The following ERCC6L2 variants were observed in gnomAD, a reference collection of about 807,000 sequenced individuals.
The protein encoded by ERCC6L2 is DNA excision repair protein ERCC-6-like 2.
ERCC6L2 carries 77 observed loss-of-function variants against 132.0 expected under a neutral mutation model. The observed-to-expected ratio is 0.58, with a 90% CI of 0.49 to 0.71. The LOEUF is 0.71. ERCC6L2 is among the 30% of genes least tolerant of loss of function. The pLI is 0.00. For missense variants in ERCC6L2, 1,542 were observed against 1,837.6 expected (o/e 0.84, Z 2.94); for synonymous variants, 583 against 632.4 (o/e 0.92, Z 1.17).
intron 3 of ERCC6L2, among the ~76,000 whole-genome samples, chr9:95,901,241 A>C (rs1828761137): frequency 6.6e-6 from 1 of 151,996 alleles, no homozygotes; most frequent in South Asian, 2.1e-4. Flanking sequence ...TTCAGTGTCA[A>C]CCCGATTTTT....
intron 4 of ERCC6L2, among the ~76,000 whole-genome samples, chr9:95,908,419 G>A (rs1011043789): frequency 2.6e-5 from 4 of 152,310 alleles, no homozygotes; most frequent in Non-Finnish European, 4.4e-5. Context: ...GCCAAGGGGA[G>A]AGGCTTCAGG....
chr9:95,914,394 A>T (rs1241566097), intron 4 of ERCC6L2, among the ~76,000 whole-genome samples: 1 of 151,810 alleles, frequency 6.6e-6, no homozygotes, highest in East Asian at 1.9e-4. Flanking sequence ...TTGCTGTGTC[A>T]CCAGGCTAGA....
At chr9:95,979,935 A>G (rs1405866926) in intron 17 of ERCC6L2, among the ~76,000 whole-genome samples, 1 of 152,096 alleles carries the variant, frequency 6.6e-6, no homozygotes, top group Non-Finnish European at 1.5e-5. Flanking sequence ...TTCTCCATAC[A>G]AACAAATTTT....
At chr9:95,910,138 C>T (rs997745813) in intron 4 of ERCC6L2, among the ~76,000 whole-genome samples, 5 of 152,092 alleles carry the variant, frequency 3.3e-5, no homozygotes, top group Admixed American at 1.3e-4. Flanking sequence ...ATTTCCTTTT[C>T]GATTGGCTTA....
chr9:95,966,482 A>G (rs1015681050), intron 13 of ERCC6L2, 80 bp from the exon 14 acceptor site: 26 of 1,286,602 alleles, frequency 2.0e-5, no homozygotes, highest in African/African-American at 4.5e-5. Flanking sequence ...AAAGCTGTGT[A>G]TATACAGGGA....
chr9:95,897,851 T>C lies in ERCC6L2; in HGVS notation c.474T>C (p.Val158=), dbSNP rs779187504. The C allele has an allele frequency of 1.4e-5, 22 of 1,612,516 alleles. No individual in the cohort carries two copies. In the African/African-American group the frequency reaches 2.7e-4, roughly 20 times the overall value. The change falls in exon 3 of 19, where the codon GTT becomes GTC. Residue 158 remains valine, a splice_region_variant and synonymous_variant. Coordinates refer to ENST00000653738, the MANE Select transcript of ERCC6L2 (RefSeq NM_020207.7). ...TTGAAAAAGTCTTTTTTCCCCAGGTTATTTCATTTCTGGCTGCAGTTTTGC... is the reference window on the plus strand; with the variant it reads ...TTGAAAAAGTCTTTTTTCCCCAGGTCATTTCATTTCTGGCTGCAGTTTTGC... ...DDMGLGKTVQ[V]ISFLAAVLHK... is the part of the protein sequence containing the mutation.
At chr9:96,035,538 C>T (rs536376291) in intron 19 of ERCC6L2, among the ~76,000 whole-genome samples, 66 of 152,238 alleles carry the variant, frequency 4.3e-4, no homozygotes, top group Middle Eastern at 3.4e-3. Context: ...GGCAACCTGC[C>T]AGACAGAGAG....
chr9:95,983,538 C>CT (rs1422482024), intron 17 of ERCC6L2, among the ~76,000 whole-genome samples: 1 of 152,188 alleles, frequency 6.6e-6, no homozygotes, highest in Non-Finnish European at 1.5e-5. Flanking sequence ...CTGACTGACT[C>CT]TAACTAGTGG....
chr9:95,881,220 T>A lies in ERCC6L2; in HGVS notation c.398T>A (p.Phe133Tyr). The change falls in exon 2 of 19, where the codon TTT becomes TAT. Residue 133 changes from phenylalanine to tyrosine, a missense_variant. Phe to Tyr is a conservative substitution (Grantham distance 22). Transcript: ENST00000653738. ...GACTACCAAAGAGAAGGAACCCGGTTTCTTTATGGACACTACATCCATGGA... is the reference window on the plus strand; with the variant it reads ...GACTACCAAAGAGAAGGAACCCGGTATCTTTATGGACACTACATCCATGGA... ...LRDYQREGTR[F>Y]LYGHYIHGGG... 1 of 1,605,352 alleles carries A rather than the reference T, an allele frequency of 6.2e-7. No individual in the cohort carries two copies. The highest frequency in any genetic ancestry group is 8.5e-7 in the Non-Finnish European group (1 of 1,177,904).
At chr9:95,958,263 C>T (rs1040389576) in intron 13 of ERCC6L2, among the ~76,000 whole-genome samples, 6 of 151,968 alleles carry the variant, frequency 3.9e-5, no homozygotes, top group African/African-American at 1.5e-4. Flanking sequence ...TTTCTTAACC[C>T]GGTCTATCAT....
intron 11 of ERCC6L2, among the ~76,000 whole-genome samples, chr9:95,938,430 T>C (rs1564242828): frequency 1.3e-5 from 2 of 152,132 alleles, no homozygotes; most frequent in Non-Finnish European, 1.5e-5. Context: ...AGTTGCTGAA[T>C]GTGGGATATT....
chr9:95,951,752 A>AT (rs767268665), intron 12 of ERCC6L2, among the ~76,000 whole-genome samples: 1 of 133,586 alleles, frequency 7.5e-6, no homozygotes, highest in Non-Finnish European at 1.6e-5. Context: ...TCATGAAGAC[A>AT]TAGAAACCTG....
At position 96,012,208 on chromosome 9, in the gene ERCC6L2, G is replaced by T; in HGVS notation, c.3675-17G>T. On this transcript the variant is annotated splice_polypyrimidine_tract_variant and intron_variant, in intron 18 of 18. Transcript: ENST00000653738. ...TGTAATGAAAATAACCACTAGTTTT[G>T]TTCATTTAATCTTTAGAAAACAATT... 8.2e-7 allele frequency: 1 copy of T among 1,216,100 alleles called. No individual in the cohort carries two copies. Among genetic ancestry groups the T allele is most frequent in the South Asian group, 1.5e-5 (1 of 64,944 alleles). 75.3% of individuals were successfully genotyped at this position (1,216,100 alleles called of 1,614,324 possible).
intron 2 of ERCC6L2, among the ~76,000 whole-genome samples, chr9:95,883,528 AC>A (rs1775577140): frequency 6.6e-6 from 1 of 152,218 alleles, no homozygotes; most frequent in Admixed American, 6.5e-5. Flanking sequence ...AATGTTTGTT[AC>A]CACAATTCTT....
At chr9:95,993,174 C>T (rs889998683) in intron 17 of ERCC6L2, among the ~76,000 whole-genome samples, 1 of 152,066 alleles carries the variant, frequency 6.6e-6, no homozygotes, top group African/African-American at 2.4e-5. Context: ...TTTCATTATC[C>T]CCAAGATGAT....
chr9:95,930,493 A>G (rs576095518), intron 11 of ERCC6L2, among the ~76,000 whole-genome samples: 1 of 152,290 alleles, frequency 6.6e-6, no homozygotes, highest in Admixed American at 6.5e-5. Context: ...TGGCTTAGCC[A>G]TTATCTTGCC....
At chr9:96,038,944 G>C (rs1450436563) in exon 20 of ERCC6L2, 2 of 456,196 alleles carry the variant, frequency 4.4e-6, no homozygotes, top group African/African-American at 2.0e-5. Flanking sequence ...AGCTCAAGCA[G>C]CCATATGGAG....
At chr9:95,914,741 C>T (rs1429942126) in intron 4 of ERCC6L2, among the ~76,000 whole-genome samples, 1 of 152,118 alleles carries the variant, frequency 6.6e-6, no homozygotes, top group African/African-American at 2.4e-5. Flanking sequence ...TTTTTATTTT[C>T]TTAATGGTGT....
chr9:95,920,815 C>T (rs940129550), intron 6 of ERCC6L2, among the ~76,000 whole-genome samples: 3 of 151,928 alleles, frequency 2.0e-5, no homozygotes, highest in Admixed American at 6.6e-5. Context: ...CTCGCTCTGT[C>T]GCCCAGGCTG....
Sources: gnomAD v4.1 joint callset for allele counts (sites outside exome capture counted in the v4.1 genomes callset) on GRCh38, gnomAD v4.1.1 for gene constraint, MANE v1.5 for transcripts, NCBI Gene and HGNC (gene_info 2026-07-23, HGNC 2026-07-21) for gene names.